The following HS6ST2 variants were observed in gnomAD, a reference collection of about 807,000 sequenced individuals.
HS6ST2 encodes the protein heparan-sulfate 6-O-sulfotransferase 2.
A neutral mutation model predicts 33.0 loss-of-function variants in HS6ST2; 17 were observed. The ratio of observed to expected loss-of-function variants is 0.52; its 90% confidence interval spans 0.35 to 0.77. HS6ST2 has a LOEUF of 0.77. Among genes scored for constraint, HS6ST2 ranks in the 30% least tolerant of loss-of-function variants. HS6ST2 has a pLI of 0.01. For missense variants in HS6ST2, 519 were observed against 551.7 expected, an observed-to-expected ratio of 0.94 and a Z score of 0.59; for synonymous variants, 248 against 237.1, an observed-to-expected ratio of 1.05 and a Z score of -0.42.
intron 4 of HS6ST2, among the ~76,000 whole-genome samples, chrX:132,630,670 G>A (rs1319003875): frequency 1.8e-5 from 2 of 111,843 alleles, no homozygotes; most frequent in African/African-American, 3.3e-5. Flanking sequence ...ACTGGGGCTG[G>A]GCACGGTGGC....
intron 2 of HS6ST2, among the ~76,000 whole-genome samples, chrX:132,749,664 G>A (rs2064680338): frequency 8.9e-6 from 1 of 111,843 alleles, no homozygotes; most frequent in South Asian, 3.8e-4. Context: ...TGTGGGGGTT[G>A]GGAGAGGACA....
At chrX:132,630,365 T>A (rs11798681) in intron 4 of HS6ST2, among the ~76,000 whole-genome samples, 15,123 of 111,639 alleles carry the variant, frequency 0.14, 866 homozygotes, top group Middle Eastern at 0.3. Flanking sequence ...CTCAGCCACC[T>A]GCTTAACTGA....
rs571964811 is a variant in HS6ST2, at chrX:132,852,444, C to T, written c.947+104364G>A. On this transcript the variant is annotated intron_variant, in intron 2 of 4. Transcript: ENST00000370833. ...CCAATTTCCAGCCCTATTTCTAATC[C>T]ATTTCAGAAAGACAATATCAATGTT... Among the ~76,000 whole-genome samples, 7 of 111,967 alleles carry T rather than the reference C, an allele frequency of 6.3e-5. No homozygotes were observed. The South Asian group carries it at 2.6e-3, about 42-fold the overall frequency.
At chrX:132,959,387 G>A (rs2067126516), upstream of HS6ST2, among the ~76,000 whole-genome samples, 1 of 112,280 alleles carries the variant, frequency 8.9e-6, no homozygotes, top group Admixed American at 9.4e-5. Flanking sequence ...GGGGCTTGCT[G>A]TACATCAGGA....
At chrX:132,644,691 G>A (rs1027753826) in intron 4 of HS6ST2, among the ~76,000 whole-genome samples, 15 of 111,206 alleles carry the variant, frequency 1.3e-4, no homozygotes, top group African/African-American at 4.9e-4. Context: ...TAATTGATGA[G>A]CCTTCTAGCA....
chrX:132,798,047 A>C (rs1292699360), intron 2 of HS6ST2, among the ~76,000 whole-genome samples: 2 of 69,133 alleles, frequency 2.9e-5, no homozygotes, highest in East Asian at 1.1e-3. Flanking sequence ...AGTTGAAAGA[A>C]GGAGGTAGGG....
chrX:132,935,471 C>A (rs764337038), intron 2 of HS6ST2, among the ~76,000 whole-genome samples: 1 of 112,000 alleles, frequency 8.9e-6, no homozygotes, highest in South Asian at 3.7e-4. Context: ...TCAAGTGATC[C>A]TCCCACCTCA....
At chrX:132,876,190 G>C (rs775764790) in intron 2 of HS6ST2, among the ~76,000 whole-genome samples, 1 of 111,496 alleles carries the variant, frequency 9.0e-6, no homozygotes, top group Non-Finnish European at 1.9e-5. Flanking sequence ...AGGTACAAAG[G>C]GGATTGGAAG....
Position 132,678,894 on chromosome X carries a change from G to A in HS6ST2, c.981-9695C>T, listed in dbSNP as rs764033804. On this transcript the variant is annotated intron_variant, in intron 3 of 4. Coordinates refer to ENST00000370833, the MANE Select transcript of HS6ST2 (RefSeq NM_001394073.1). ...CCAATCTACTTCGCTTCATGCACAT[G>A]AGTTTTTAATCACAGTCTGGTTAAA... Among the ~76,000 whole-genome samples, 3 of 112,469 alleles carry A rather than the reference G, an allele frequency of 2.7e-5. No homozygotes were observed. In the East Asian group the frequency reaches 8.4e-4, roughly 31 times the overall value.
rs138068726 is a variant in HS6ST2 at position 132,743,078 on chromosome X, G to A, written c.948-34584C>T. Among the ~76,000 whole-genome samples the A allele has an allele frequency of 3.2e-3, 355 of 112,112 alleles. 2 individuals carry two copies. Among genetic ancestry groups the A allele is most frequent in the African/African-American group, 0.011 (343 of 30,862 alleles). On this transcript the variant is annotated intron_variant, in intron 2 of 4. Transcript: ENST00000370833. ...ATCATGTGTCTCTGCAACACACAAC[G>A]CCTAATTAAAAAACGCAACCAAAAT...
intron 2 of HS6ST2, among the ~76,000 whole-genome samples, chrX:132,820,857 G>A (rs770343333): frequency 9.1e-6 from 1 of 110,471 alleles, no homozygotes; most frequent in South Asian, 4.0e-4. Context: ...AAACTGGGCA[G>A]GATATTTACT....
rs1051942151 is a variant in HS6ST2 at position 132,915,738 on chromosome X, T to C, written c.947+41070A>G. 3.6e-5 allele frequency among the ~76,000 whole-genome samples: 4 copies of C among 109,741 alleles called. No individual in the cohort carries two copies. The Admixed American group carries it at 3.9e-4, about 11-fold the overall frequency. On this transcript the variant is annotated intron_variant, in intron 2 of 4. Coordinates refer to ENST00000370833, the MANE Select transcript of HS6ST2 (RefSeq NM_001394073.1). ...ATGTTCTTATCATTGGTAACTTTTT[T>C]TTTTTTTTGAGAGAGAGTCTCTCTC...
At chrX:132,801,413 G>T (rs1482192269) in intron 2 of HS6ST2, among the ~76,000 whole-genome samples, 1 of 111,755 alleles carries the variant, frequency 8.9e-6, no homozygotes, top group African/African-American at 3.3e-5. Flanking sequence ...TCTTTGATTA[G>T]TTTTACTGCC....
rs761625184 is a variant in HS6ST2 at position 132,626,444 on chromosome X, T to C, written c.*1779A>G. 1 of 112,574 alleles carries C rather than the reference T, an allele frequency of 8.9e-6. No individual in the cohort carries two copies. The highest frequency in any genetic ancestry group is 3.7e-4 in the South Asian group (1 of 2,733). 9.3% of individuals were successfully genotyped at this position (112,574 alleles called of 1,213,427 possible). ...CTGTGACTTCAAGGTGTGGAAAAAT[T>C]CCTTTCAGTTTTTTAGCTCTCAGGA... On this transcript the variant is annotated 3_prime_UTR_variant, in exon 5 of 5. Coordinates refer to ENST00000370833, the MANE Select transcript of HS6ST2 (RefSeq NM_001394073.1).
rs1359249562 is a variant in HS6ST2, at chrX:132,956,959, T to A, written c.796A>T (p.Thr266Ser). 1.7e-6 allele frequency: 2 copies of A among 1,208,257 alleles called. No homozygotes were observed. The highest frequency in any genetic ancestry group is 5.9e-5 in the East Asian group (2 of 33,674). Residue 266 changes from threonine (T) to serine (S), a missense_variant, in exon 2 of 5, where the codon ACT becomes TCT. Transcript: ENST00000370833. ...CECRVGQKKC[T>S]CHRPGKRETW... Reference sequence around the variant, plus strand: ...TCCCGCTTACCCGGCCGGTGGCAAGTGCATTTCTTCTGACCCACGCGGCAC... The same window carrying A: ...TCCCGCTTACCCGGCCGGTGGCAAGAGCATTTCTTCTGACCCACGCGGCAC...
At chrX:132,888,036 G>A (rs1240443945) in intron 2 of HS6ST2, among the ~76,000 whole-genome samples, 3 of 111,953 alleles carry the variant, frequency 2.7e-5, no homozygotes, top group Non-Finnish European at 5.6e-5. Context: ...TTTGTAAACA[G>A]GCACATTGGA....
Position 132,664,915 on chromosome X carries a change from T to A in HS6ST2, c.1067+4198A>T, listed in dbSNP as rs183702164. 1.1e-4 allele frequency among the ~76,000 whole-genome samples: 12 copies of A among 112,052 alleles called. No individual in the cohort carries two copies. The East Asian group carries it at 1.7e-3, about 16-fold the overall frequency. ...TCTGTTTGTCTATCTACCTATCTAA[T>A]CTACATCTCCTTAGCTTTGGTTGGC... On this transcript the variant is annotated intron_variant, in intron 4 of 4. Coordinates refer to ENST00000370833, the MANE Select transcript of HS6ST2 (RefSeq NM_001394073.1).
At chrX:132,761,267 C>T (rs2064802504) in intron 2 of HS6ST2, among the ~76,000 whole-genome samples, 1 of 111,865 alleles carries the variant, frequency 8.9e-6, no homozygotes, top group Non-Finnish European at 1.9e-5. Context: ...CTTGGTGCAA[C>T]ACCGTCTGCA....
intron 2 of HS6ST2, among the ~76,000 whole-genome samples, chrX:132,924,758 G>A (rs1014291308): frequency 2.7e-5 from 3 of 111,983 alleles, no homozygotes; most frequent in African/African-American, 6.5e-5. Flanking sequence ...GGGAGGCTGA[G>A]GTAGGCAGAT....
Sources: gnomAD v4.1 joint callset for allele counts (sites outside exome capture counted in the v4.1 genomes callset) on GRCh38, gnomAD v4.1.1 for gene constraint, MANE v1.5 for transcripts, NCBI Gene and HGNC (gene_info 2026-07-23, HGNC 2026-07-21) for gene names.